Variants in GABRB1 observed in about 807,000 individuals in gnomAD.
The protein encoded by GABRB1 is gamma-aminobutyric acid receptor subunit beta-1.
Under a neutral mutation model 51.6 loss-of-function variants are expected in GABRB1, and 17 were observed. That is an observed-to-expected ratio of 0.33 (90% CI 0.23 to 0.49). GABRB1 has a LOEUF of 0.49. Ranked by LOEUF, GABRB1 falls within the 20% of genes least tolerant of loss-of-function variation. GABRB1 has a pLI of 0.99. For synonymous variants in GABRB1, 247 were observed against 218.9 expected, an observed-to-expected ratio of 1.13 and a Z score of -1.14; for missense variants, 410 against 600.6, an observed-to-expected ratio of 0.68 and a Z score of 3.32.
chr4:47,346,587 C>T lies in GABRB1; in HGVS notation c.544+26378C>T, dbSNP rs542177055. Among the ~76,000 whole-genome samples, 5 of 152,168 alleles carry T rather than the reference C, an allele frequency of 3.3e-5. No homozygotes were observed. The South Asian group carries it at 1.0e-3, about 32-fold the overall frequency. On this transcript the variant is annotated intron_variant, in intron 5 of 8. Coordinates refer to ENST00000295454, the MANE Select transcript of GABRB1 (RefSeq NM_000812.4). ...ATCATTGCTGATGAAAATCTGATGC[C>T]AGAACAAGTCTATAATGCTGATGAA...
intron 4 of GABRB1, among the ~76,000 whole-genome samples, chr4:47,217,842 A>T (rs1578009406): frequency 6.6e-6 from 1 of 151,746 alleles, no homozygotes; most frequent in East Asian, 1.9e-4. Context: ...TGCTGGAAAC[A>T]CAATCTTCTC....
At chr4:47,213,834 G>GTT (rs750792064) in intron 4 of GABRB1, among the ~76,000 whole-genome samples, 2 of 144,342 alleles carry the variant, frequency 1.4e-5, no homozygotes, top group African/African-American at 5.1e-5. Context: ...TTCTGAAACA[G>GTT]TTTTTTTTTT....
chr4:47,185,258 C>T (rs1470136299), intron 4 of GABRB1, among the ~76,000 whole-genome samples: 1 of 151,754 alleles, frequency 6.6e-6, no homozygotes, highest in Non-Finnish European at 1.5e-5. Context: ...CTGGATACAC[C>T]TCACAATATT....
chr4:47,404,800 A>G (rs1164416363), intron 7 of GABRB1, among the ~76,000 whole-genome samples: 2 of 152,206 alleles, frequency 1.3e-5, no homozygotes, highest in Non-Finnish European at 2.9e-5. Context: ...TGTTAGGTCT[A>G]TATGCTACAC....
rs533124185 is a variant in GABRB1 at position 47,151,180 on chromosome 4, T to A, written c.241-10069T>A. Among the ~76,000 whole-genome samples the A allele has an allele frequency of 4.6e-5, 7 of 152,120 alleles. No individual in the cohort carries two copies. In the South Asian group the frequency reaches 1.5e-3, roughly 32 times the overall value. On this transcript the variant is annotated intron_variant, in intron 3 of 8. Transcript: ENST00000295454. ...CCCAATAGAGTCCTTACTGGAAAGGTAACTAAAAGTTCTAAGGGATATCAG... is the reference window on the plus strand; with the variant it reads ...CCCAATAGAGTCCTTACTGGAAAGGAAACTAAAAGTTCTAAGGGATATCAG...
intron 5 of GABRB1, among the ~76,000 whole-genome samples, chr4:47,354,903 A>ACCTGCCTG (rs55735490): frequency 3.1e-5 from 4 of 128,618 alleles, no homozygotes; most frequent in South Asian, 2.6e-4. Context: ...AGGCCTTCCT[A>ACCTGCCTG]CCTGCCTGCC....
At chr4:47,391,946 T>C (rs904251742) in intron 5 of GABRB1, among the ~76,000 whole-genome samples, 5 of 152,140 alleles carry the variant, frequency 3.3e-5, no homozygotes, top group Non-Finnish European at 7.4e-5. Flanking sequence ...CACAAAGCTA[T>C]AGAAACAGTT....
At chr4:47,123,534 CATATATTATA>C (rs1715905838) in intron 3 of GABRB1, among the ~76,000 whole-genome samples, 1 of 79,358 alleles carries the variant, frequency 1.3e-5, no homozygotes, top group African/African-American at 5.2e-5. Context: ...TACATTATTT[CATATATTATA>C]ATATATTATA....
chr4:47,232,441 T>A (rs1318015674), intron 4 of GABRB1, among the ~76,000 whole-genome samples: 19 of 152,212 alleles, frequency 1.2e-4, no homozygotes, highest in Non-Finnish European at 2.9e-5. Context: ...CAAATGTTAA[T>A]CTTTTCCTGT....
At chr4:47,421,065 T>A (rs1729078440) in intron 8 of GABRB1, among the ~76,000 whole-genome samples, 1 of 151,944 alleles carries the variant, frequency 6.6e-6, no homozygotes, top group Non-Finnish European at 1.5e-5. Context: ...TATAGCTACT[T>A]TAAAAATTTC....
chr4:47,232,180 G>A (rs577606027), intron 4 of GABRB1, among the ~76,000 whole-genome samples: 2 of 152,218 alleles, frequency 1.3e-5, no homozygotes, highest in East Asian at 3.9e-4. Context: ...CAAAACCAGA[G>A]CCGCTTTTCC....
At chr4:47,312,072 C>A (rs1320945304) in intron 4 of GABRB1, among the ~76,000 whole-genome samples, 1 of 129,148 alleles carries the variant, frequency 7.7e-6, no homozygotes, top group African/African-American at 2.7e-5. Context: ...TGTGTGTGTG[C>A]GCGTGCATAC....
intron 1 of GABRB1, among the ~76,000 whole-genome samples, chr4:47,025,667 A>G (rs1318801248): frequency 6.6e-6 from 1 of 151,972 alleles, no homozygotes; most frequent in African/African-American, 2.4e-5. Flanking sequence ...ATCTCAGTTA[A>G]TTAATGAAGA....
intron 4 of GABRB1, among the ~76,000 whole-genome samples, chr4:47,279,351 G>A (rs956822723): frequency 6.6e-5 from 10 of 152,058 alleles, no homozygotes; most frequent in South Asian, 2.1e-4. Context: ...TTTTACAAGC[G>A]AATAGAATAA....
intron 3 of GABRB1, among the ~76,000 whole-genome samples, chr4:47,118,031 T>C (rs943619148): frequency 6.6e-6 from 1 of 152,154 alleles, no homozygotes; most frequent in African/African-American, 2.4e-5. Context: ...GAACCTGGCA[T>C]CTAGGCAATA....
At chr4:47,328,504 C>T (rs1350182476) in intron 5 of GABRB1, among the ~76,000 whole-genome samples, 1 of 152,126 alleles carries the variant, frequency 6.6e-6, no homozygotes, top group Non-Finnish European at 1.5e-5. Context: ...ATAGCAAAGA[C>T]TTGGAACCAA....
intron 1 of GABRB1, among the ~76,000 whole-genome samples, chr4:47,007,579 T>C (rs1409276027): frequency 6.6e-6 from 1 of 152,192 alleles, no homozygotes; most frequent in Non-Finnish European, 1.5e-5. Flanking sequence ...TCAAATGACA[T>C]GTAACCTTAT....
chr4:47,196,601 C>T (rs1160443615), intron 4 of GABRB1, among the ~76,000 whole-genome samples: 3 of 152,100 alleles, frequency 2.0e-5, no homozygotes, highest in Admixed American at 6.5e-5. Flanking sequence ...TTATGGCTCA[C>T]CAAAGGACAG....
intron 4 of GABRB1, among the ~76,000 whole-genome samples, chr4:47,180,943 C>A (rs1718917516): frequency 1.3e-5 from 2 of 151,734 alleles, no homozygotes; most frequent in African/African-American, 4.8e-5. Flanking sequence ...TTAGAATGTT[C>A]TCTCTATTAT....
Sources: allele counts gnomAD v4.1 joint callset (sites outside exome capture counted in the v4.1 genomes callset), GRCh38; gene constraint gnomAD v4.1.1; transcripts MANE v1.5; gene names NCBI Gene and HGNC (gene_info 2026-07-23, HGNC 2026-07-21).